Variants in PRKAA2 observed in about 807,000 individuals in gnomAD.
PRKAA2 encodes the protein protein kinase AMP-activated catalytic subunit alpha 2, also known as 5'-AMP-activated protein kinase catalytic subunit alpha-2.
In PRKAA2, 40 loss-of-function variants were observed where a neutral mutation model predicts 56.3. That is an observed-to-expected ratio of 0.71 (90% confidence interval 0.55 to 0.92). PRKAA2 has a LOEUF of 0.92. Ranked by LOEUF, PRKAA2 falls within the 40% of genes least tolerant of loss-of-function variation. The pLI is 0.00. For synonymous variants in PRKAA2, 214 were observed against 234.2 expected, an observed-to-expected ratio of 0.91 and a Z score of 0.79; for missense variants, 542 against 686.9, an observed-to-expected ratio of 0.79 and a Z score of 2.36.
At position 56,710,479 on chromosome 1, in the gene PRKAA2, C is replaced by T. The variant is rs1174256213; in HGVS notation, c.*2766C>T. On this transcript the variant is annotated 3_prime_UTR_variant, in exon 9 of 9. Transcript: ENST00000371244. ...TTTTCATTTTAAAAAACTTAATAGC[C>T]CATGAAAAGCAAATTTGGGAAATAC... 1.3e-5 allele frequency: 2 copies of T among 151,974 alleles called. No homozygotes were observed. Among genetic ancestry groups the T allele is most frequent in the African/African-American group, 2.4e-5 (1 of 41,394 alleles). 9.4% of individuals were successfully genotyped at this position (151,974 alleles called of 1,614,324 possible). A position where few individuals can be genotyped will look rare whatever the true frequency, so the allele number is the denominator to read the frequency against.
In PRKAA2 at chr1:56,709,868, A is replaced by G. The variant is rs1644358027; in HGVS notation, c.*2155A>G. ...TATTTACTGTTTTCTAATTCTTGCC[A>G]GTATTTATGAACAGCTGTAGCTTGA... is the stretch of plus-strand genomic sequence containing the variant. On this transcript the variant is annotated 3_prime_UTR_variant, in exon 9 of 9. Transcript: ENST00000371244. 6.6e-6 allele frequency: 1 copy of G among 152,292 alleles called. No individual in the cohort carries two copies. 9.4% of individuals were successfully genotyped at this position (152,292 alleles called of 1,614,324 possible).
chr1:56,702,620 A>G (rs1386078429), intron 6 of PRKAA2, among the ~76,000 whole-genome samples: 1 of 152,186 alleles, frequency 6.6e-6, no homozygotes, highest in Non-Finnish European at 1.5e-5. Context: ...TCCAGTTCCT[A>G]GAGCACAGCA....
chr1:56,653,510 G>A (rs1225203039), intron 1 of PRKAA2, among the ~76,000 whole-genome samples: 1 of 152,062 alleles, frequency 6.6e-6, no homozygotes, highest in African/African-American at 2.4e-5. Flanking sequence ...TCATAAACCA[G>A]CTATGTGGTC....
At position 56,706,184 on chromosome 1, in the gene PRKAA2, C is replaced by T; in HGVS notation, c.1386C>T (p.Asn462=). 2 of 1,613,866 alleles carry T rather than the reference C, an allele frequency of 1.2e-6. No individual in the cohort carries two copies. Among genetic ancestry groups the T allele is most frequent in the Non-Finnish European group, 1.7e-6 (2 of 1,179,926 alleles). The change falls in exon 8 of 9, where the codon AAC becomes AAT. Residue 462 remains asparagine, a synonymous_variant. Coordinates refer to ENST00000371244, the MANE Select transcript of PRKAA2 (RefSeq NM_006252.4). The part of the protein sequence containing the change: ...KMSLQLYLVD[N]RSYLLDFKSI... ...GCTTACAACTTTACCTGGTTGATAA[C>T]AGGAGCTATCTTTTGGACTTTAAAA...
chr1:56,698,720 T>C (rs1298499274), intron 6 of PRKAA2, among the ~76,000 whole-genome samples: 4 of 152,240 alleles, frequency 2.6e-5, no homozygotes, highest in Non-Finnish European at 5.9e-5. Context: ...TTTGTACATC[T>C]ATTATTTTCT....
In PRKAA2 at chr1:56,692,443, A is replaced by G; in HGVS notation, c.416A>G (p.Asp139Gly). Residue 139 changes from aspartate to glycine, a missense_variant, in exon 4 of 9, where the codon GAC (aspartate) becomes GGC (glycine). Coordinates refer to ENST00000371244, the MANE Select transcript of PRKAA2 (RefSeq NM_006252.4). ...CATAGGCATATGGTTGTTCATCGAG[A>G]CCTGAAACCAGAGAATGTCCTGTTG... The part of the protein sequence containing the change: ...YCHRHMVVHR[D>G]LKPENVLLDA... 6.2e-7 allele frequency: 1 copy of G among 1,614,088 alleles called. No individual in the cohort carries two copies. The highest frequency in any genetic ancestry group is 8.5e-7 in the Non-Finnish European group (1 of 1,179,974).
intron 6 of PRKAA2, among the ~76,000 whole-genome samples, chr1:56,701,344 A>G (rs1644292246): frequency 2.6e-5 from 4 of 151,848 alleles, no homozygotes; most frequent in Admixed American, 1.3e-4. Flanking sequence ...GCAGTGAGCC[A>G]AGATTGCGCT....
chr1:56,659,083 A>G (rs572279013), intron 1 of PRKAA2, among the ~76,000 whole-genome samples: 1 of 151,644 alleles, frequency 6.6e-6, no homozygotes, highest in African/African-American at 2.4e-5. Context: ...GATTACAGGC[A>G]TGAACCACCA....
At position 56,708,385 on chromosome 1, in the gene PRKAA2, A is replaced by T. The variant is rs1425601724; in HGVS notation, c.*672A>T. ...TTATCTTGAGATTTCCCTGAATAAT[A>T]TATTTATCTTAAGAGCCTTCAAGTT... On this transcript the variant is annotated 3_prime_UTR_variant, in exon 9 of 9. Coordinates refer to ENST00000371244, the MANE Select transcript of PRKAA2 (RefSeq NM_006252.4). 1 of 152,232 alleles carries T rather than the reference A, an allele frequency of 6.6e-6. No individual in the cohort carries two copies. The highest frequency in any genetic ancestry group is 1.5e-5 in the Non-Finnish European group (1 of 68,048). The allele number at this position is 152,232 out of a possible 1,614,324, so 9.4% of individuals were successfully genotyped here.
At position 56,708,707 on chromosome 1, in the gene PRKAA2, A is replaced by G. The variant is rs1442531155; in HGVS notation, c.*994A>G. On this transcript the variant is annotated 3_prime_UTR_variant, in exon 9 of 9. Transcript: ENST00000371244. ...CCACTCCCTTCACCTCACCTCACCT[A>G]GTCACTATTGTCTTTGTTCATTGTT... 1 of 151,140 alleles carries G rather than the reference A, an allele frequency of 6.6e-6. No individual in the cohort carries two copies. Among genetic ancestry groups the G allele is most frequent in the Non-Finnish European group, 1.5e-5 (1 of 68,038 alleles). 9.4% of individuals were successfully genotyped at this position (151,140 alleles called of 1,614,324 possible).
At chr1:56,676,894 C>T (rs1281633303) in intron 2 of PRKAA2, among the ~76,000 whole-genome samples, 1 of 152,118 alleles carries the variant, frequency 6.6e-6, no homozygotes, top group African/African-American at 2.4e-5. Context: ...AACCTTCATT[C>T]TTAGAGTAAG....
Position 56,706,143 on chromosome 1 carries a change from A to G in PRKAA2, c.1345A>G (p.Asn449Asp). ...RVRRKNPVTG[N>D]YVKMSLQLYL... Reference sequence around the variant, plus strand: ...AAGAAGAAAAAATCCAGTGACTGGCAATTACGTGAAAATGAGCTTACAACT... The same window carrying G: ...AAGAAGAAAAAATCCAGTGACTGGCGATTACGTGAAAATGAGCTTACAACT... Residue 449 changes from asparagine to aspartate, a missense_variant, in exon 8 of 9, where the codon AAT becomes GAT. Physicochemically the swap from Asn to Asp is conservative, Grantham distance 23. This residue lies in a region of PRKAA2 where 158 missense variants were observed against 166.1 expected (regional missense o/e 0.95). Coordinates refer to ENST00000371244, the MANE Select transcript of PRKAA2 (RefSeq NM_006252.4). 1 of 1,613,320 alleles carries G rather than the reference A, an allele frequency of 6.2e-7. No individual in the cohort carries two copies. The highest frequency in any genetic ancestry group is 8.5e-7 in the Non-Finnish European group (1 of 1,179,324).
chr1:56,702,851 G>A (rs1246196562), intron 6 of PRKAA2, among the ~76,000 whole-genome samples: 1 of 152,008 alleles, frequency 6.6e-6, no homozygotes, highest in Non-Finnish European at 1.5e-5. Context: ...TTGCATATTT[G>A]TATATTTGTA....
At chr1:56,692,230 C>T in intron 3 of PRKAA2, 128 bp from the exon 4 acceptor site, 3 of 1,068,736 alleles carry the variant, frequency 2.8e-6, no homozygotes, top group African/African-American at 1.6e-5. Context: ...TGGAGTTTCA[C>T]CTTATTGGTC....
intron 1 of PRKAA2, among the ~76,000 whole-genome samples, chr1:56,659,718 G>A (rs1158572495): frequency 2.6e-5 from 4 of 151,900 alleles, no homozygotes; most frequent in Admixed American, 2.6e-4. Context: ...AACCAGCCTG[G>A]ACAAAATGGC....
chr1:56,696,009 C>T lies in PRKAA2; in HGVS notation c.638C>T (p.Pro213Leu). Reference protein sequence around the residue: ...ILYALLCGTLPFDDEHVPTLF... With the variant: ...ILYALLCGTLLFDDEHVPTLF... Reference sequence around the variant, plus strand: ...TATGCTCTTCTTTGTGGCACCCTCCCATTTGATGATGAGCATGTACCTACG... The same window carrying T: ...TATGCTCTTCTTTGTGGCACCCTCCTATTTGATGATGAGCATGTACCTACG... The change falls in exon 6 of 9, where the codon CCA becomes CTA. Residue 213 changes from proline to leucine, a missense_variant. By Grantham distance (98) the Pro-to-Leu change is moderately conservative. Coordinates refer to ENST00000371244, the MANE Select transcript of PRKAA2 (RefSeq NM_006252.4). 1 of 1,611,922 alleles carries T rather than the reference C, an allele frequency of 6.2e-7. No individual in the cohort carries two copies. Among genetic ancestry groups the T allele is most frequent in the Non-Finnish European group, 8.5e-7 (1 of 1,179,624 alleles).
intron 2 of PRKAA2, among the ~76,000 whole-genome samples, chr1:56,678,961 T>A (rs1210317069): frequency 6.6e-6 from 1 of 152,206 alleles, no homozygotes; most frequent in Non-Finnish European, 1.5e-5. Flanking sequence ...CCCAAAGTGC[T>A]GGGATTACGG....
At chr1:56,646,900 A>T (rs572104060) in intron 1 of PRKAA2, among the ~76,000 whole-genome samples, 1 of 152,340 alleles carries the variant, frequency 6.6e-6, no homozygotes, top group Admixed American at 6.5e-5. Flanking sequence ...GGATACAGCA[A>T]GGAAAAAACA....
At chr1:56,656,195 C>A (rs1251445501) in intron 1 of PRKAA2, among the ~76,000 whole-genome samples, 1 of 151,954 alleles carries the variant, frequency 6.6e-6, no homozygotes, top group Non-Finnish European at 1.5e-5. Context: ...AAGAAAATAC[C>A]CAGACTGAAA....
Sources: gnomAD v4.1 joint callset for allele counts (sites outside exome capture counted in the v4.1 genomes callset) on GRCh38, gnomAD v4.1.1 for gene constraint, gnomAD v4.1.1 regional missense constraint, MANE v1.5 for transcripts, NCBI Gene and HGNC (gene_info 2026-07-23, HGNC 2026-07-21) for gene names.